The following NAALADL1 variants were observed in gnomAD, a reference collection of about 807,000 sequenced individuals.
NAALADL1 encodes the protein aminopeptidase NAALADL1.
Under a neutral mutation model 82.8 loss-of-function variants are expected in NAALADL1, and 77 were observed. The ratio of observed to expected loss-of-function variants is 0.93; its 90% CI spans 0.77 to 1.12. The LOEUF is 1.12. NAALADL1 is among the 50% of genes most tolerant of loss of function. The pLI is 0.00. For synonymous variants in NAALADL1, 358 were observed against 399.2 expected, an observed-to-expected ratio of 0.90 and a Z score of 1.23; for missense variants, 956 against 964.0, an observed-to-expected ratio of 0.99 and a Z score of 0.11.
In NAALADL1 at chr11:65,054,021, A is replaced by AGG. The variant is rs1946964743; in HGVS notation, c.992+228_992+229insCC. ...AGGGAGTCGTGAGTTACAGACGTCA[A>AGG]GATGAGGTGGGAGGGGCAGGGGAAT... On this transcript the variant is annotated intron_variant, in intron 6 of 17. Transcript: ENST00000358658. This position sits in a 1 kb window ranked among gnomAD's most constrained non-coding sequence, Gnocchi z 4.3. Among the ~76,000 whole-genome samples the AGG allele has an allele frequency of 6.6e-6, 1 of 152,158 alleles. No homozygotes were observed. The highest frequency in any genetic ancestry group is 1.5e-5 in the Non-Finnish European group (1 of 68,014).
At position 65,057,941 on chromosome 11, in the gene NAALADL1, G is replaced by A. The variant is rs747900613; in HGVS notation, c.414C>T (p.Thr138=). Reference sequence around the variant, plus strand: ...CCACATCTGGCCCCCCTTGCTCCCCGGTCACGTTCTCCTCAGTCCGGTGGC... The same window carrying A: ...CCACATCTGGCCCCCCTTGCTCCCCAGTCACGTTCTCCTCAGTCCGGTGGC... ...HSCHRTEENV[T]GEQGGPDVVQ... The change falls in exon 3 of 18, where the codon ACC becomes ACT. Residue 138 remains threonine, a synonymous_variant. Coordinates refer to ENST00000358658, the MANE Select transcript of NAALADL1 (RefSeq NM_005468.3). The A allele has an allele frequency of 3.5e-5, 56 of 1,613,972 alleles. No individual in the cohort carries two copies. The highest frequency in any genetic ancestry group is 6.7e-5 in the Admixed American group (4 of 60,000).
Position 65,047,668 on chromosome 11 carries a change from G to C in NAALADL1, c.1487C>G (p.Pro496Arg), listed in dbSNP as rs1226016459. ...NWIRYFNRSS[P>R]VYGLVPSLGS... is the part of the protein sequence containing the mutation. ...TTACCTGGGGACCAGGCCGTACACC[G>C]GGCTGCTGCGGTTGAAGTACCGGAT... Residue 496 changes from proline (P) to arginine (R), a missense_variant, in exon 12 of 18, where the codon CCG becomes CGG. Pro to Arg is a moderately radical substitution (Grantham distance 103). Transcript: ENST00000358658. 3.1e-6 allele frequency: 5 copies of C among 1,606,788 alleles called. No homozygotes were observed. Among genetic ancestry groups the C allele is most frequent in the Non-Finnish European group, 4.2e-6 (5 of 1,177,516 alleles).
At chr11:65,045,546 C>T (rs953505341) in intron 17 of NAALADL1, 89 bp from the exon 18 acceptor site, 54 of 1,362,710 alleles carry the variant, frequency 4.0e-5, no homozygotes, top group African/African-American at 1.3e-4. Context: ...AGCTCCTGTA[C>T]GCAGCGAGGC....
Position 65,058,123 on chromosome 11 carries a change from G to C in NAALADL1, c.313C>G (p.Leu105Val). 1 of 1,613,530 alleles carries C rather than the reference G, an allele frequency of 6.2e-7. No individual in the cohort carries two copies. Residue 105 changes from leucine (L) to valine (V), a missense_variant, in exon 2 of 18, where the codon CTG (leucine) becomes GTG (valine). Physicochemically the swap from Leu to Val is conservative, Grantham distance 32 (BLOSUM62 1). Transcript: ENST00000358658. The part of the protein sequence containing the change: ...DSAEASTYEV[L>V]LSFPSQEQPN... Reference sequence around the variant, plus strand: ...TGCTCCTGGCTAGGGAAGGACAGCAGCACTTCGTACGTGGAGGCCTCGGCC... The same window carrying C: ...TGCTCCTGGCTAGGGAAGGACAGCACCACTTCGTACGTGGAGGCCTCGGCC...
At chr11:65,052,196 G>A (rs928505163) in intron 8 of NAALADL1, among the ~76,000 whole-genome samples, 2 of 152,192 alleles carry the variant, frequency 1.3e-5, no homozygotes, top group African/African-American at 4.8e-5. Context: ...AGCAGACCCG[G>A]GCCCAGCAGC....
In NAALADL1 at chr11:65,045,468, A is replaced by AAATGGGACAGGATC. The variant is rs763891605; in HGVS notation, c.2037-25_2037-12dup. The AAATGGGACAGGATC allele has an allele frequency of 6.3e-7, 1 of 1,593,746 alleles. No individual in the cohort carries two copies. The highest frequency in any genetic ancestry group is 8.6e-7 in the Non-Finnish European group (1 of 1,167,546). On this transcript the variant is annotated splice_polypyrimidine_tract_variant and intron_variant, in intron 17 of 17. Coordinates refer to ENST00000358658, the MANE Select transcript of NAALADL1 (RefSeq NM_005468.3). The stretch of plus-strand genomic sequence containing the variant: ...GCCCAGAGCACATGGCTGACAAGAG[A>AAATGGGACAGGATC]AATGGGACAGGATCAGGGTCAGTCA...
Position 65,053,886 on chromosome 11 carries a change from C to G in NAALADL1, c.993-310G>C, listed in dbSNP as rs1946961406. 6.6e-6 allele frequency among the ~76,000 whole-genome samples: 1 copy of G among 152,118 alleles called. No individual in the cohort carries two copies. The highest frequency in any genetic ancestry group is 1.5e-5 in the Non-Finnish European group (1 of 68,024). On this transcript the variant is annotated intron_variant, in intron 6 of 17. Coordinates refer to ENST00000358658, the MANE Select transcript of NAALADL1 (RefSeq NM_005468.3). This position sits in a 1 kb window ranked among gnomAD's most constrained non-coding sequence, Gnocchi z 4.3. ...GACAGGAACAGCTGGGTGAAGGGGC[C>G]TGGGAGGAGAGGGCACCTGGAGGCC...
Position 65,058,381 on chromosome 11 carries a change from G to A in NAALADL1, c.141C>T (p.Thr47=), listed in dbSNP as rs372762648. The A allele has an allele frequency of 1.5e-5, 24 of 1,614,002 alleles. No homozygotes were observed. The highest frequency in any genetic ancestry group is 1.1e-4 in the South Asian group (10 of 91,086). The stretch of plus-strand genomic sequence containing the variant: ...TGTGGGCATCCAGCTGCCCCATGAC[G>A]GTCTCCAGGATCTCCAGGTCCAGGT... The part of the protein sequence containing the change: ...PQDLDLEILE[T]VMGQLDAHRI... Residue 47 remains threonine (T), a synonymous_variant, in exon 1 of 18, where the codon ACC becomes ACT. Transcript: ENST00000358658.
chr11:65,055,699 G>A (rs980786880), intron 4 of NAALADL1, among the ~76,000 whole-genome samples: 9 of 152,106 alleles, frequency 5.9e-5, no homozygotes, highest in African/African-American at 2.2e-4. Flanking sequence ...GTTAAATAAA[G>A]TTTCTGTTTG....
intron 16 of NAALADL1, 47 bp downstream of exon 16, chr11:65,045,980 T>C: frequency 1.9e-6 from 3 of 1,611,444 alleles, no homozygotes; most frequent in Non-Finnish European, 2.5e-6. Context: ...CCTGGTATCC[T>C]GCCCTGGGTG....
At chr11:65,051,315 C>CTTTTTTTTTTTTTTTTTTTTTT (rs10535126) in intron 8 of NAALADL1, among the ~76,000 whole-genome samples, 3 of 59,572 alleles carry the variant, frequency 5.0e-5, no homozygotes, top group African/African-American at 1.9e-4. Flanking sequence ...TTCTTTCTTT[C>CTTTTTTTTTTTTTTTTTTTTTT]TTTTTTTTTT....
rs1946765312 is a variant in NAALADL1 at position 65,047,585 on chromosome 11, C to T, written c.1509-20G>A. On this transcript the variant is annotated intron_variant, in intron 12 of 17. Transcript: ENST00000358658. ...CCCAAGCTGCGGGAAGGAAGGGGGC[C>T]GGGATAAAGAGCGCTGGGCCGGACC... 1 of 1,574,472 alleles carries T rather than the reference C, an allele frequency of 6.4e-7. No individual in the cohort carries two copies. Among genetic ancestry groups the T allele is most frequent in the Non-Finnish European group, 8.6e-7 (1 of 1,160,370 alleles).
chr11:65,054,486 T>A lies in NAALADL1; in HGVS notation c.856A>T (p.Ile286Phe). Reference protein sequence around the residue: ...SGFPPIPTQPIGFQDARDLLC... With the variant: ...SGFPPIPTQPFGFQDARDLLC... ...AGGTCTCTTGCATCCTGGAAGCCAATGGGCTGTGTAGGAATTGGGGGAAAT... is the reference window on the plus strand; with the variant it reads ...AGGTCTCTTGCATCCTGGAAGCCAAAGGGCTGTGTAGGAATTGGGGGAAAT... Residue 286 changes from isoleucine (I) to phenylalanine (F), a missense_variant, in exon 5 of 18, where the codon ATT becomes TTT. Coordinates refer to ENST00000358658, the MANE Select transcript of NAALADL1 (RefSeq NM_005468.3). The surrounding 1 kb of genome is among the most constrained non-coding windows in gnomAD (Gnocchi z 4.3). 6.2e-7 allele frequency: 1 copy of A among 1,613,942 alleles called. No individual in the cohort carries two copies. The highest frequency in any genetic ancestry group is 8.5e-7 in the Non-Finnish European group (1 of 1,179,986).
chr11:65,058,289 G>C, intron 1 of NAALADL1, 39 bp from the exon 2 acceptor site: 4 of 1,613,890 alleles, frequency 2.5e-6, no homozygotes, highest in Admixed American at 1.7e-5. Flanking sequence ...GCCAGCATCA[G>C]GGAGGGGGCC....
chr11:65,045,453 C>A lies in NAALADL1; in HGVS notation c.2041G>T (p.Val681Leu). The change falls in exon 18 of 18, where the codon GTG (valine) becomes TTG (leucine). Residue 681 changes from valine (V) to leucine (L), a missense_variant. Physicochemically the swap from Val to Leu is conservative, Grantham distance 32 (BLOSUM62 1). Transcript: ENST00000358658. The part of the protein sequence containing the change: ...AFPEERYYSH[V>L]LWAPRTGSVV... ...GAGCCCGTGCGAGGTGCCCAGAGCA[C>A]ATGGCTGACAAGAGAAATGGGACAG... 6.2e-7 allele frequency: 1 copy of A among 1,600,316 alleles called. No homozygotes were observed. Among genetic ancestry groups the A allele is most frequent in the Non-Finnish European group, 8.5e-7 (1 of 1,171,476 alleles).
At chr11:65,057,171 G>A (rs1461475138) in intron 4 of NAALADL1, among the ~76,000 whole-genome samples, 200 bp downstream of exon 4, 2 of 152,218 alleles carry the variant, frequency 1.3e-5, no homozygotes, top group African/African-American at 4.8e-5. Flanking sequence ...CTACAGCTCA[G>A]AGAGGGTCAG....
intron 8 of NAALADL1, among the ~76,000 whole-genome samples, chr11:65,051,696 G>A (rs1300845): frequency 0.34 from 51,491 of 151,798 alleles, 9,457 homozygotes; most frequent in East Asian, 0.76. Flanking sequence ...TTTGACAGCA[G>A]TGGCGTGTTT....
chr11:65,059,768 T>C (rs1947143937), upstream of NAALADL1, among the ~76,000 whole-genome samples: 1 of 152,196 alleles, frequency 6.6e-6, no homozygotes, highest in Non-Finnish European at 1.5e-5. Context: ...AGACAGGCTT[T>C]AGGTTCAGCC....
In NAALADL1 at chr11:65,046,075, G is replaced by C; in HGVS notation, c.1895C>G (p.Ala632Gly). 6.2e-7 allele frequency: 1 copy of C among 1,614,106 alleles called. No homozygotes were observed. The highest frequency in any genetic ancestry group is 1.1e-5 in the South Asian group (1 of 91,078). The change falls in exon 16 of 18, where the codon GCT becomes GGT. Residue 632 changes from alanine (A) to glycine (G), a missense_variant. By Grantham distance (60) the Ala-to-Gly change is moderately conservative. Coordinates refer to ENST00000358658, the MANE Select transcript of NAALADL1 (RefSeq NM_005468.3). Reference protein sequence around the residue: ...VTAVEKFEAEAAALGQRISTL... With the variant: ...VTAVEKFEAEGAALGQRISTL... ...TGATATGCGTTGGCCCAAGGCTGCAGCTTCTGCCTCAAACTTCTCCACTGC... is the reference window on the plus strand; with the variant it reads ...TGATATGCGTTGGCCCAAGGCTGCACCTTCTGCCTCAAACTTCTCCACTGC...
Sources: allele counts gnomAD v4.1 joint callset (sites outside exome capture counted in the v4.1 genomes callset), GRCh38; gene constraint gnomAD v4.1.1; non-coding constraint Gnocchi (gnomAD v3.1); transcripts MANE v1.5; gene names NCBI Gene and HGNC (gene_info 2026-07-23, HGNC 2026-07-21).